The following PMPCA variants were observed in gnomAD, a reference collection of about 807,000 sequenced individuals.
PMPCA encodes mitochondrial-processing peptidase subunit alpha.
PMPCA carries 47 observed loss-of-function variants against 59.3 expected under a neutral mutation model. That is an observed-to-expected ratio of 0.79 (90% CI 0.63 to 1.01). The LOEUF is 1.01. PMPCA is among the 50% of genes least tolerant of loss of function. The pLI is 0.00. For synonymous variants in PMPCA, 338 were observed against 290.3 expected (o/e 1.16, Z -1.67); for missense variants, 726 against 704.5 (o/e 1.03, Z -0.34).
At chr9:136,422,132 G>A (rs879070798) in intron 12 of PMPCA, 156 bp downstream of exon 12, 1 of 1,543,952 alleles carries the variant, frequency 6.5e-7, no homozygotes, top group South Asian at 1.2e-5. Flanking sequence ...GGGCGGCCAA[G>A]GGCAGGGTCG....
At chr9:136,420,850 G>A (rs1427496736) in intron 11 of PMPCA, 2 of 152,168 alleles carry the variant, frequency 1.3e-5, no homozygotes. Context: ...CCAGCACTTT[G>A]GGAGACCAAG....
Position 136,417,755 on chromosome 9 carries a change from A to G in PMPCA, c.898-262A>G, listed in dbSNP as rs190643497. The stretch of plus-strand genomic sequence containing the variant: ...AGGCGTAAGCCACCACGCCCAGCTT[A>G]TATGTATATACATATGTTTTTTTTT... On this transcript the variant is annotated intron_variant, in intron 7 of 12. Transcript: ENST00000371717. 3.8e-3 allele frequency among the ~76,000 whole-genome samples: 578 copies of G among 151,474 alleles called. 25 individuals carry two copies. In the South Asian group the frequency reaches 0.07, roughly 18 times the overall value.
At chr9:136,417,589 C>G (rs1441032762) in intron 7 of PMPCA, among the ~76,000 whole-genome samples, 1 of 151,800 alleles carries the variant, frequency 6.6e-6, no homozygotes, top group Non-Finnish European at 1.5e-5. Context: ...TCTTCTGCCT[C>G]AACTTCCCGA....
chr9:136,422,553 C>T (rs910910364), intron 12 of PMPCA: 1 of 1,015,594 alleles, frequency 9.8e-7, no homozygotes, highest in African/African-American at 1.7e-5. Flanking sequence ...CCTTTCCAGG[C>T]CTGGAGTCCC....
chr9:136,423,607 G>C lies in PMPCA; in HGVS notation c.*343G>C. ...AGCCCTGAGCTGGGAGGCAGCAAAG[G>C]CTGACCTATCAAAGCCTCCCGGAGG... On this transcript the variant is annotated 3_prime_UTR_variant, in exon 13 of 13. Coordinates refer to ENST00000371717, the MANE Select transcript of PMPCA (RefSeq NM_015160.3). 1 of 285,938 alleles carries C rather than the reference G, an allele frequency of 3.5e-6. No homozygotes were observed. The highest frequency in any genetic ancestry group is 4.9e-5 in the South Asian group (1 of 20,592). 17.7% of individuals were successfully genotyped at this position (285,938 alleles called of 1,614,324 possible).
At chr9:136,416,660 AT>A in intron 6 of PMPCA, 2 of 594,074 alleles carry the variant, frequency 3.4e-6, no homozygotes, top group Non-Finnish European at 6.0e-6. Context: ...AACATTCTTG[AT>A]TTCTGAGTCT....
At chr9:136,422,497 A>G in intron 12 of PMPCA, 8 of 1,029,622 alleles carry the variant, frequency 7.8e-6, no homozygotes, top group Non-Finnish European at 9.3e-6. Context: ...AAGGCTGCCT[A>G]TTACGTTGGG....
rs374905438 is a variant in PMPCA at position 136,417,167 on chromosome 9, G to A, written c.850G>A (p.Val284Met). The change falls in exon 7 of 13, where the codon GTG becomes ATG. Residue 284 changes from valine to methionine, a missense_variant. Physicochemically the swap from Val to Met is conservative, Grantham distance 21. Coordinates refer to ENST00000371717, the MANE Select transcript of PMPCA (RefSeq NM_015160.3). ...GCCGGCCTGGGGGAGCGCAGAGGCC[G>A]TGGATATTGACAGATCTGTGGCCCA... ...VQPAWGSAEA[V>M]DIDRSVAQYT... The A allele has an allele frequency of 7.0e-5, 112 of 1,610,100 alleles. No individual in the cohort carries two copies. Among genetic ancestry groups the A allele is most frequent in the Admixed American group, 2.2e-4 (13 of 59,892 alleles).
chr9:136,418,854 C>T lies in PMPCA; in HGVS notation c.1136C>T (p.Ser379Phe). 6.2e-7 allele frequency: 1 copy of T among 1,613,328 alleles called. No homozygotes were observed. The highest frequency in any genetic ancestry group is 8.5e-7 in the Non-Finnish European group (1 of 1,179,918). ...CACCACTGGATGTATAACGCGACCT[C>T]CTACCACCACAGCTACGAGGACACT... ...NRHHWMYNAT[S>F]YHHSYEDTGL... Residue 379 changes from serine (S) to phenylalanine (F), a missense_variant, in exon 10 of 13, where the codon TCC (serine) becomes TTC (phenylalanine). Physicochemically the swap from Ser to Phe is radical, Grantham distance 155. Coordinates refer to ENST00000371717, the MANE Select transcript of PMPCA (RefSeq NM_015160.3).
At chr9:136,417,712 C>T (rs1304260229) in intron 7 of PMPCA, among the ~76,000 whole-genome samples, 1 of 152,174 alleles carries the variant, frequency 6.6e-6, no homozygotes, top group Non-Finnish European at 1.5e-5. Context: ...CCTCAGCCTC[C>T]CAAAATGCTG....
intron 4 of PMPCA, among the ~76,000 whole-genome samples, chr9:136,413,583 A>G (rs1232308304): frequency 6.6e-6 from 1 of 152,202 alleles, no homozygotes; most frequent in African/African-American, 2.4e-5. Context: ...GAGGTAACAT[A>G]TTCATGTTCT....
chr9:136,418,529 G>A, intron 8 of PMPCA, 26 bp from the exon 9 acceptor site: 1 of 1,460,334 alleles, frequency 6.8e-7, no homozygotes, highest in Non-Finnish European at 9.6e-7. Context: ...GGGTGGTTCA[G>A]CCAGCTCTGC....
intron 6 of PMPCA, 76 bp from the exon 7 acceptor site, chr9:136,416,875 G>A (rs1835291085): frequency 7.0e-7 from 1 of 1,422,438 alleles, no homozygotes; most frequent in Non-Finnish European, 9.6e-7. Context: ...CTGCAGATGG[G>A]CGCTGGTGCT....
Position 136,412,109 on chromosome 9 carries a change from C to G in PMPCA, c.184C>G (p.Gln62Glu). 6.2e-7 allele frequency: 1 copy of G among 1,613,664 alleles called. No individual in the cohort carries two copies. The highest frequency in any genetic ancestry group is 8.5e-7 in the Non-Finnish European group (1 of 1,179,608). ...GCCTGTTTTTGCTACAGTTGATGGACAGGAAAAGTTTGAAACCAAAGTAAC... is the reference window on the plus strand; with the variant it reads ...GCCTGTTTTTGCTACAGTTGATGGAGAGGAAAAGTTTGAAACCAAAGTAAC... ...PKPVFATVDG[Q>E]EKFETKVTTL... Residue 62 changes from glutamine to glutamate, a missense_variant, in exon 2 of 13, where the codon CAG becomes GAG. Coordinates refer to ENST00000371717, the MANE Select transcript of PMPCA (RefSeq NM_015160.3).
Position 136,419,107 on chromosome 9 carries a change from G to T in PMPCA, c.1263+1G>T. On this transcript the variant is annotated splice_donor_variant, in intron 11 of 12. Coordinates refer to ENST00000371717, the MANE Select transcript of PMPCA (RefSeq NM_015160.3). LOFTEE classifies it high-confidence loss of function. ...TTTAATGGGCGGAACCGTGGACACGGTAAGTGCAGTGTGGCGCCATTTCCA... is the reference window on the plus strand; with the variant it reads ...TTTAATGGGCGGAACCGTGGACACGTTAAGTGCAGTGTGGCGCCATTTCCA... The T allele has an allele frequency of 6.2e-7, 1 of 1,612,712 alleles. No individual in the cohort carries two copies. Among genetic ancestry groups the T allele is most frequent in the Non-Finnish European group, 8.5e-7 (1 of 1,178,668 alleles).
chr9:136,417,761 A>G (rs531279724), intron 7 of PMPCA, among the ~76,000 whole-genome samples: 1 of 149,840 alleles, frequency 6.7e-6, no homozygotes, highest in East Asian at 2.0e-4. Context: ...GCTTATATGT[A>G]TATACATATG....
At chr9:136,421,714 C>T (rs1835455992) in intron 11 of PMPCA, 118 bp from the exon 12 acceptor site, 2 of 992,254 alleles carry the variant, frequency 2.0e-6, no homozygotes, top group South Asian at 1.7e-5. Context: ...GCCCGGCTGC[C>T]CTTCCCTTTC....
In PMPCA at chr9:136,418,569, C is replaced by G. The variant is rs1406167357; in HGVS notation, c.1005C>G (p.Ile335Met). The change falls in exon 9 of 13, where the codon ATC becomes ATG. Residue 335 changes from isoleucine to methionine, a missense_variant. By Grantham distance (10) the Ile-to-Met change is conservative. Transcript: ENST00000371717. ...ESCSFLEEDF[I>M]PFAVLNMMMG... ...CGTCCCTGCAGGAGGAGGACTTCAT[C>G]CCCTTTGCAGTGTTGAACATGATGA... 1 of 1,610,664 alleles carries G rather than the reference C, an allele frequency of 6.2e-7. No homozygotes were observed. Among genetic ancestry groups the G allele is most frequent in the Admixed American group, 1.7e-5 (1 of 60,014 alleles).
intron 6 of PMPCA, 130 bp downstream of exon 6, chr9:136,416,521 T>G: frequency 1.4e-6 from 1 of 730,652 alleles, no homozygotes; most frequent in Non-Finnish European, 2.4e-6. Context: ...ATTTTTTTGT[T>G]TTTTGAGATG....
Sources: allele counts gnomAD v4.1 joint callset (sites outside exome capture counted in the v4.1 genomes callset), GRCh38; gene constraint gnomAD v4.1.1; transcripts MANE v1.5; gene names NCBI Gene and HGNC (gene_info 2026-07-23, HGNC 2026-07-21).